The following CFAP47 variants were observed in gnomAD, a reference collection of about 807,000 sequenced individuals.
CFAP47 encodes the protein cilia- and flagella-associated protein 47.
In CFAP47, 29 loss-of-function variants were observed where a neutral mutation model predicts 148.1. The observed-to-expected ratio is 0.20, with a 90% confidence interval of 0.15 to 0.27. The LOEUF is 0.27. Ranked by LOEUF, CFAP47 falls within the 10% of genes least tolerant of loss-of-function variation. The probability of loss-of-function intolerance (pLI) is 1.00; values close to 1 mark genes in which losing one functional copy is unlikely to be tolerated. For synonymous variants in CFAP47, 664 were observed against 577.3 expected, an observed-to-expected ratio of 1.15 and a Z score of -2.15; for missense variants, 1,872 against 1,697.5, an observed-to-expected ratio of 1.10 and a Z score of -1.81.
intron 46 of CFAP47, among the ~76,000 whole-genome samples, chrX:36,234,113 G>C (rs782569144): frequency 3.7e-5 from 4 of 108,559 alleles, no homozygotes; most frequent in East Asian, 2.9e-4. Context: ...TCTTCTCGAG[G>C]AGTATCTTTG....
intron 46 of CFAP47, 46 bp downstream of exon 46, chrX:36,228,870 T>C (rs1316810897): frequency 4.0e-6 from 2 of 494,419 alleles, no homozygotes; most frequent in Non-Finnish European, 3.7e-6. Flanking sequence ...ATATTGCCAC[T>C]GTGTCAATTA....
intron 3 of CFAP47, among the ~76,000 whole-genome samples, chrX:35,943,173 G>A (rs891217037): frequency 9.0e-6 from 1 of 111,656 alleles, no homozygotes; most frequent in Non-Finnish European, 1.9e-5. Flanking sequence ...CATGATAATA[G>A]CAATGTATAT....
chrX:35,926,498 G>T (rs1802337958), intron 2 of CFAP47, among the ~76,000 whole-genome samples: 1 of 111,936 alleles, frequency 8.9e-6, no homozygotes, highest in African/African-American at 3.2e-5. Context: ...TCAAAATGCT[G>T]TTCTTCTGAG....
intron 29 of CFAP47, among the ~76,000 whole-genome samples, chrX:36,074,389 GT>G (rs1294468698): frequency 9.0e-6 from 1 of 111,545 alleles, no homozygotes; most frequent in Non-Finnish European, 1.9e-5. Context: ...ATAAGGCCCG[GT>G]TCATTTGTTG....
intron 30 of CFAP47, among the ~76,000 whole-genome samples, chrX:36,097,629 T>C (rs1328596507): frequency 9.0e-6 from 1 of 111,318 alleles, no homozygotes; most frequent in African/African-American, 3.3e-5. Flanking sequence ...ATATCAGAGG[T>C]TCATTATATG....
chrX:35,971,812 T>G, intron 12 of CFAP47, 40 bp downstream of exon 12: 1 of 1,188,400 alleles, frequency 8.4e-7, no homozygotes, highest in Non-Finnish European at 1.1e-6. Context: ...CCACGAGAAT[T>G]CTTAAAATAG....
chrX:35,965,908 G>A (rs1431546850), intron 8 of CFAP47, among the ~76,000 whole-genome samples: 7 of 110,772 alleles, frequency 6.3e-5, no homozygotes. Context: ...AAGTAAAAAT[G>A]GCACAGTCTT....
chrX:36,294,244 T>C lies in CFAP47; in HGVS notation c.7687-4733T>C, dbSNP rs1479214880. The stretch of plus-strand genomic sequence containing the variant: ...GCCAGCCACGTCAGCACCATGATCA[T>C]AAGAGAGGAAGCTGGAGCAGAGGGT... On this transcript the variant is annotated intron_variant, in intron 51 of 63. Transcript: ENST00000378653. Among the ~76,000 whole-genome samples, 3 of 110,911 alleles carry C rather than the reference T, an allele frequency of 2.7e-5. 1 individual carries two copies. The highest frequency in any genetic ancestry group is 5.7e-5 in the Non-Finnish European group (3 of 52,964).
intron 23 of CFAP47, among the ~76,000 whole-genome samples, chrX:36,034,846 T>G (rs1335082726): frequency 1.8e-5 from 2 of 111,453 alleles, no homozygotes; most frequent in Non-Finnish European, 3.8e-5. Flanking sequence ...GTCTAAGTAC[T>G]GTGTATAAGA....
chrX:36,362,272 A>C (rs1458869032), intron 61 of CFAP47, among the ~76,000 whole-genome samples: 6 of 112,303 alleles, frequency 5.3e-5, no homozygotes, highest in Admixed American at 9.4e-5. Flanking sequence ...GGTATGTTGC[A>C]CTCAGGCAGT....
chrX:36,311,646 T>C (rs1248431123), intron 56 of CFAP47, among the ~76,000 whole-genome samples: 1 of 110,743 alleles, frequency 9.0e-6, no homozygotes, highest in Non-Finnish European at 1.9e-5. Context: ...AGTTATATAT[T>C]TTATGGTTTT....
At chrX:36,217,269 A>G (rs1940167779) in intron 45 of CFAP47, among the ~76,000 whole-genome samples, 1 of 111,410 alleles carries the variant, frequency 9.0e-6, no homozygotes, top group African/African-American at 3.3e-5. Context: ...TTATTTCTTA[A>G]CAGCCTAGTT....
At chrX:36,061,188 C>T (rs922534633) in intron 26 of CFAP47, among the ~76,000 whole-genome samples, 7 of 111,125 alleles carry the variant, frequency 6.3e-5, no homozygotes, top group African/African-American at 2.3e-4. Flanking sequence ...CCGTGTAAGA[C>T]AGGCCTGCTT....
intron 57 of CFAP47, among the ~76,000 whole-genome samples, chrX:36,338,778 A>T (rs1467250284): frequency 8.9e-6 from 1 of 111,765 alleles, no homozygotes; most frequent in Non-Finnish European, 1.9e-5. Flanking sequence ...ATCCAGACTC[A>T]TATGTCCACC....
At chrX:36,105,903 G>A (rs1938458474) in intron 33 of CFAP47, among the ~76,000 whole-genome samples, 1 of 112,271 alleles carries the variant, frequency 8.9e-6, no homozygotes, top group Non-Finnish European at 1.9e-5. Context: ...CAAAGATTTT[G>A]CCACATTTTT....
intron 19 of CFAP47, among the ~76,000 whole-genome samples, chrX:35,998,356 C>T (rs1343608468): frequency 9.0e-6 from 1 of 111,558 alleles, no homozygotes; most frequent in African/African-American, 3.3e-5. Flanking sequence ...TAGATCTGGA[C>T]TTACCTATTC....
intron 61 of CFAP47, among the ~76,000 whole-genome samples, chrX:36,364,438 TAATA>T (rs56972655): frequency 0.33 from 32,843 of 98,906 alleles, 4,806 homozygotes; most frequent in East Asian, 0.61. Flanking sequence ...CAGATTGTCC[TAATA>T]AATAAATAAA....
intron 2 of CFAP47, among the ~76,000 whole-genome samples, chrX:35,937,665 A>G (rs1488113294): frequency 9.0e-6 from 1 of 110,776 alleles, no homozygotes; most frequent in Non-Finnish European, 1.9e-5. Context: ...ATTTTTTTCT[A>G]TAATCTAAAT....
intron 21 of CFAP47, among the ~76,000 whole-genome samples, chrX:36,013,490 A>G (rs189286333): frequency 8.9e-6 from 1 of 112,065 alleles, no homozygotes; most frequent in Non-Finnish European, 1.9e-5. Flanking sequence ...AAATAACAAA[A>G]TCAATATAGA....
Sources: allele counts gnomAD v4.1 joint callset (sites outside exome capture counted in the v4.1 genomes callset), GRCh38; gene constraint gnomAD v4.1.1; transcripts MANE v1.5; gene names NCBI Gene and HGNC (gene_info 2026-07-23, HGNC 2026-07-21).